Variants in DNAH11 observed in about 807,000 individuals in gnomAD.
DNAH11 encodes dynein axonemal heavy chain 11, also known as axonemal beta dynein heavy chain 11.
In DNAH11, 442 loss-of-function variants were observed where a neutral mutation model predicts 526.0. That is an observed-to-expected ratio of 0.84 (90% confidence interval 0.78 to 0.91). The LOEUF (loss-of-function observed/expected upper bound fraction) is 0.91, where lower values mean the gene tolerates loss of function less well. Ranked by LOEUF, DNAH11 falls within the 40% of genes least tolerant of loss-of-function variation. The probability of loss-of-function intolerance (pLI) is 0.00; values close to 1 mark genes in which losing one functional copy is unlikely to be tolerated. For missense variants in DNAH11, 6,989 were observed against 5,448.7 expected (o/e 1.28, Z -8.90); for synonymous variants, 2,461 against 1,935.9 (o/e 1.27, Z -7.12).
rs560268294 is a variant in DNAH11, at chr7:21,591,345, A to C, written c.2435A>C (p.Tyr812Ser). The C allele has an allele frequency of 6.2e-7, 1 of 1,613,780 alleles. No homozygotes were observed. The highest frequency in any genetic ancestry group is 1.7e-5 in the Admixed American group (1 of 60,026). Reference protein sequence around the residue: ...WLTWQDDCWGYIERVRAATSE... With the variant: ...WLTWQDDCWGSIERVRAATSE... ...ACATGGCAGGATGACTGCTGGGGCT[A>C]CATCGAGAGGGTGAGGGCAGCCACG... The change falls in exon 14 of 82, where the codon TAC becomes TCC. Residue 812 changes from tyrosine to serine, a missense_variant. Transcript: ENST00000409508.
At chr7:21,577,510 G>C (rs1291115252) in intron 8 of DNAH11, among the ~76,000 whole-genome samples, 1 of 152,170 alleles carries the variant, frequency 6.6e-6, no homozygotes, top group Non-Finnish European at 1.5e-5. Context: ...TGATGTTGGA[G>C]CAAACCTGAT....
At chr7:21,741,904 C>T (rs1562520823) in intron 48 of DNAH11, 23 bp from the exon 49 acceptor site, 14 of 1,612,278 alleles carry the variant, frequency 8.7e-6, no homozygotes, top group Non-Finnish European at 1.2e-5. Context: ...TCCTTACACT[C>T]TTATATTTGC....
intron 68 of DNAH11, 57 bp from the exon 69 acceptor site, chr7:21,861,796 T>C: frequency 1.3e-6 from 2 of 1,596,402 alleles, no homozygotes; most frequent in Non-Finnish European, 8.5e-7. Context: ...GTATCGGGGG[T>C]AGCTAGACAT....
chr7:21,760,105 G>C (rs1034521592), intron 54 of DNAH11, among the ~76,000 whole-genome samples: 1 of 150,912 alleles, frequency 6.6e-6, no homozygotes, highest in East Asian at 2.0e-4. Flanking sequence ...ACTTGCAATT[G>C]TCAAGAACTT....
At chr7:21,768,086 A>G (rs1787256681) in intron 55 of DNAH11, among the ~76,000 whole-genome samples, 1 of 152,198 alleles carries the variant, frequency 6.6e-6, no homozygotes, top group Admixed American at 6.5e-5. Context: ...ATTGAACTAA[A>G]TGACAGCTGA....
rs146627144 is a variant in DNAH11, at chr7:21,668,843, A to G, written c.5328+9812A>G. On this transcript the variant is annotated intron_variant, in intron 30 of 81. Transcript: ENST00000409508. ...ACATATATTTTCATTTCTCCTGGGTAGAAGCCTAAAAGTGAAATTGCTGGA... is the reference window on the plus strand; with the variant it reads ...ACATATATTTTCATTTCTCCTGGGTGGAAGCCTAAAAGTGAAATTGCTGGA... Among the ~76,000 whole-genome samples, 7 of 152,286 alleles carry G rather than the reference A, an allele frequency of 4.6e-5. No individual in the cohort carries two copies. In the East Asian group the frequency reaches 1.4e-3, roughly 29 times the overall value.
intron 35 of DNAH11, among the ~76,000 whole-genome samples, chr7:21,692,123 T>C (rs1291505241): frequency 6.6e-6 from 1 of 152,204 alleles, no homozygotes; most frequent in African/African-American, 2.4e-5. Flanking sequence ...AAACTCTGTA[T>C]TGTAATTTTG....
In DNAH11 at chr7:21,582,138, C is replaced by A. The variant is rs1222503733; in HGVS notation, c.1710+117C>A. On this transcript the variant is annotated intron_variant, in intron 9 of 81. Transcript: ENST00000409508. The stretch of plus-strand genomic sequence containing the variant: ...TTCACTAGGTTAACTAGTCATATTC[C>A]CTTCAAATTCAGCTCACTGAATAAT... 6.4e-6 allele frequency: 4 copies of A among 627,546 alleles called. No homozygotes were observed. In the East Asian group the frequency reaches 8.1e-5, roughly 13 times the overall value. 38.9% of individuals were successfully genotyped at this position (627,546 alleles called of 1,614,324 possible). A position where few individuals can be genotyped will look rare whatever the true frequency, so the allele number is the denominator to read the frequency against.
chr7:21,835,114 A>G (rs1011954684), intron 65 of DNAH11, among the ~76,000 whole-genome samples: 8 of 152,094 alleles, frequency 5.3e-5, no homozygotes, highest in East Asian at 1.9e-4. Flanking sequence ...GGTTGAATCA[A>G]TAGTCAAAAG....
At position 21,808,056 on chromosome 7, in the gene DNAH11, T is replaced by G; in HGVS notation, c.10332+7T>G. The stretch of plus-strand genomic sequence containing the variant: ...TCCCTTTCTTCAACAGAAGGTAAGT[T>G]CAGTTCCTTACCTTGTCAGCAGGTA... On this transcript the variant is annotated splice_region_variant and intron_variant, in intron 63 of 81. Coordinates refer to ENST00000409508, the MANE Select transcript of DNAH11 (RefSeq NM_001277115.2). 1 of 1,496,040 alleles carries G rather than the reference T, an allele frequency of 6.7e-7. No homozygotes were observed. Among genetic ancestry groups the G allele is most frequent in the Non-Finnish European group, 9.0e-7 (1 of 1,106,826 alleles). 92.7% of individuals were successfully genotyped at this position (1,496,040 alleles called of 1,614,324 possible). A position where few individuals can be genotyped will look rare whatever the true frequency, so the allele number is the denominator to read the frequency against.
intron 70 of DNAH11, among the ~76,000 whole-genome samples, chr7:21,865,962 G>T (rs980654057): frequency 2.6e-5 from 4 of 152,180 alleles, no homozygotes; most frequent in African/African-American, 2.4e-5. Flanking sequence ...TAGCAGTGAG[G>T]ACAACCAGAG....
intron 54 of DNAH11, among the ~76,000 whole-genome samples, chr7:21,755,318 G>T (rs990804792): frequency 2.0e-5 from 3 of 152,166 alleles, no homozygotes; most frequent in African/African-American, 4.8e-5. Flanking sequence ...TTCCCACACA[G>T]TTCTCATCTT....
chr7:21,868,850 G>T lies in DNAH11; in HGVS notation c.11840-14G>T. ...CATAGACATTTCCTCTCACCGTGGT[G>T]TATTCTCCCACAGGCAAAAGACTTG... On this transcript the variant is annotated splice_polypyrimidine_tract_variant and intron_variant, in intron 72 of 81. Transcript: ENST00000409508. 1 of 1,613,822 alleles carries T rather than the reference G, an allele frequency of 6.2e-7. No homozygotes were observed. Among genetic ancestry groups the T allele is most frequent in the South Asian group, 1.1e-5 (1 of 91,052 alleles).
chr7:21,781,160 G>C (rs569098093), intron 57 of DNAH11, among the ~76,000 whole-genome samples: 1 of 152,178 alleles, frequency 6.6e-6, no homozygotes, highest in Non-Finnish European at 1.5e-5. Context: ...AATATGGACT[G>C]TTTCTGGTCC....
chr7:21,591,311 A>C lies in DNAH11; in HGVS notation c.2401A>C (p.Thr801Pro), dbSNP rs765124571. 7 of 1,613,916 alleles carry C rather than the reference A, an allele frequency of 4.3e-6. No homozygotes were observed. Among genetic ancestry groups the C allele is most frequent in the South Asian group, 1.1e-5 (1 of 91,066 alleles). Reference protein sequence around the residue: ...AIDEQLTAATTWLTWQDDCWG... With the variant: ...AIDEQLTAATPWLTWQDDCWG... ...TGACGAGCAGCTGACAGCAGCCACA[A>C]CGTGGCTGACATGGCAGGATGACTG... is the stretch of plus-strand genomic sequence containing the variant. The change falls in exon 14 of 82, where the codon ACG becomes CCG. Residue 801 changes from threonine (T) to proline (P), a missense_variant. Physicochemically the swap from Thr to Pro is conservative, Grantham distance 38. Coordinates refer to ENST00000409508, the MANE Select transcript of DNAH11 (RefSeq NM_001277115.2).
Position 21,581,954 on chromosome 7 carries a change from A to C in DNAH11, c.1643A>C (p.Asp548Ala). 2 of 1,613,314 alleles carry C rather than the reference A, an allele frequency of 1.2e-6. No homozygotes were observed. Among genetic ancestry groups the C allele is most frequent in the Non-Finnish European group, 1.7e-6 (2 of 1,179,470 alleles). Residue 548 changes from aspartate (D) to alanine (A), a missense_variant, in exon 9 of 82, where the codon GAC (aspartate) becomes GCC (alanine). Transcript: ENST00000409508. ...TTTAAGTCCAAAACTCTGGAATTTG[A>C]CAGAAGGCTTGGGACAATTATTTGT... ...VAFKSKTLEF[D>A]RRLGTIICEA...
intron 63 of DNAH11, among the ~76,000 whole-genome samples, chr7:21,814,345 A>ATT (rs200898723): frequency 5.0e-5 from 5 of 100,614 alleles, no homozygotes; most frequent in Middle Eastern, 4.7e-3. Flanking sequence ...TTATTTATTT[A>ATT]TTTATTTTTT....
At position 21,687,086 on chromosome 7, in the gene DNAH11, C is replaced by T; in HGVS notation, c.5622-13C>T. 2 of 1,601,724 alleles carry T rather than the reference C, an allele frequency of 1.2e-6. No homozygotes were observed. Among genetic ancestry groups the T allele is most frequent in the Non-Finnish European group, 1.7e-6 (2 of 1,175,148 alleles). On this transcript the variant is annotated splice_polypyrimidine_tract_variant and intron_variant, in intron 32 of 81. Coordinates refer to ENST00000409508, the MANE Select transcript of DNAH11 (RefSeq NM_001277115.2). ...TATTAGACTGTGATGTTTGTGTTTT[C>T]TATTGCTTAAAGGTGTTATATTACC...
Position 21,687,190 on chromosome 7 carries a change from G to C in DNAH11, c.5713G>C (p.Asp1905His). Residue 1905 changes from aspartate to histidine, a missense_variant, in exon 33 of 82, where the codon GAC becomes CAC. Transcript: ENST00000409508. Reference protein sequence around the residue: ...AGTGKTETTKDLGRALGMMVY... With the variant: ...AGTGKTETTKHLGRALGMMVY... ...TACCGGGAAAACAGAGACCACCAAAGACCTAGGACGTGCCCTTGGCATGAT... is the reference window on the plus strand; with the variant it reads ...TACCGGGAAAACAGAGACCACCAAACACCTAGGACGTGCCCTTGGCATGAT... 1 of 1,611,658 alleles carries C rather than the reference G, an allele frequency of 6.2e-7. No individual in the cohort carries two copies. Among genetic ancestry groups the C allele is most frequent in the South Asian group, 1.1e-5 (1 of 90,528 alleles).
Sources: gnomAD v4.1 joint callset for allele counts (sites outside exome capture counted in the v4.1 genomes callset) on GRCh38, gnomAD v4.1.1 for gene constraint, MANE v1.5 for transcripts, NCBI Gene and HGNC (gene_info 2026-07-23, HGNC 2026-07-21) for gene names.